BTBD9: variants seen among roughly 807,000 people sequenced by gnomAD.
BTBD9 encodes BTB/POZ domain-containing protein 9.
A neutral mutation model predicts 64.3 loss-of-function variants in BTBD9; 49 were observed. That is an observed-to-expected ratio of 0.76 (90% CI 0.61 to 0.97). The LOEUF is 0.97. BTBD9 is among the 50% of genes least tolerant of loss of function. The pLI, the probability that BTBD9 is intolerant of heterozygous loss-of-function variation, is 0.00. For missense variants in BTBD9, 598 were observed against 762.1 expected, an observed-to-expected ratio of 0.78 and a Z score of 2.53; for synonymous variants, 260 against 274.7, an observed-to-expected ratio of 0.95 and a Z score of 0.53.
chr6:38,621,902 CA>C (rs1777994381), intron 1 of BTBD9, among the ~76,000 whole-genome samples: 2 of 152,326 alleles, frequency 1.3e-5, no homozygotes, highest in African/African-American at 4.8e-5. Context: ...TGGTATGGAA[CA>C]ACCCTGTCCA....
intron 6 of BTBD9, among the ~76,000 whole-genome samples, chr6:38,428,799 G>A (rs1768300803): frequency 1.3e-5 from 2 of 148,860 alleles, no homozygotes; most frequent in Admixed American, 6.7e-5. Flanking sequence ...TGCAAACTCT[G>A]CCTCCCGGAT....
At chr6:38,275,157 T>C (rs949458672) in intron 8 of BTBD9, among the ~76,000 whole-genome samples, 26 of 152,066 alleles carry the variant, frequency 1.7e-4, no homozygotes, top group African/African-American at 6.0e-4. Flanking sequence ...GAGATATAGA[T>C]CAATGGAACA....
At chr6:38,367,048 T>C (rs1277772701) in intron 6 of BTBD9, among the ~76,000 whole-genome samples, 4 of 152,152 alleles carry the variant, frequency 2.6e-5, no homozygotes. Flanking sequence ...GCAGACACCC[T>C]ATGAAAACCC....
At chr6:38,580,975 C>T (rs1266415909) in intron 4 of BTBD9, among the ~76,000 whole-genome samples, 2 of 152,096 alleles carry the variant, frequency 1.3e-5, no homozygotes, top group African/African-American at 2.4e-5. Context: ...GGCGGATCAC[C>T]TGAGGTCAGG....
Position 38,527,662 on chromosome 6 carries a change from C to T in BTBD9, c.1154+49938G>A, listed in dbSNP as rs139622211. 7.1e-3 allele frequency among the ~76,000 whole-genome samples: 1,086 copies of T among 152,138 alleles called. 7 individuals are homozygous for T. Among genetic ancestry groups the T allele is most frequent in the Non-Finnish European group, 0.012 (818 of 68,022 alleles). ...CTCTTTCCTTTATAAATTACCCAGT[C>T]TTGGATAGTATCTTTACAGCAGTGT... On this transcript the variant is annotated intron_variant, in intron 6 of 10. Coordinates refer to ENST00000481247, the MANE Select transcript of BTBD9 (RefSeq NM_001099272.2).
chr6:38,482,861 G>C (rs1284172547), intron 6 of BTBD9, among the ~76,000 whole-genome samples: 4 of 152,180 alleles, frequency 2.6e-5, no homozygotes, highest in South Asian at 4.2e-4. Flanking sequence ...TGAAGGTAAG[G>C]CTTCCATTTT....
chr6:38,580,352 A>G lies in BTBD9; in HGVS notation c.900T>C (p.Thr300=), dbSNP rs564062582. 2.9e-5 allele frequency: 47 copies of G among 1,614,152 alleles called. No homozygotes were observed. Among genetic ancestry groups the G allele is most frequent in the Non-Finnish European group, 3.8e-5 (45 of 1,180,050 alleles). ...ATCCATGATCCAAATCATAATTTTG[A>G]GTATCACCATCTAATAAGGCTGATT... ...ELKSALLDGD[T]QNYDLDHGFS... The change falls in exon 5 of 11, where the codon ACT becomes ACC. Residue 300 remains threonine, a synonymous_variant. Transcript: ENST00000481247.
At chr6:38,230,590 A>C (rs531358411) in intron 9 of BTBD9, among the ~76,000 whole-genome samples, 17 of 151,988 alleles carry the variant, frequency 1.1e-4, no homozygotes, top group African/African-American at 4.1e-4. Context: ...CCTAGAATAA[A>C]ATTCACACTA....
intron 6 of BTBD9, among the ~76,000 whole-genome samples, chr6:38,420,667 C>G (rs879680158): frequency 6.6e-6 from 1 of 151,956 alleles, no homozygotes; most frequent in Non-Finnish European, 1.5e-5. Context: ...ACCATCCTGG[C>G]CAACATGGTG....
intron 10 of BTBD9, among the ~76,000 whole-genome samples, chr6:38,175,837 C>T (rs1238901346): frequency 6.6e-6 from 1 of 152,242 alleles, no homozygotes; most frequent in Non-Finnish European, 1.5e-5. Flanking sequence ...TGAGCACAGA[C>T]CCTGCTAAGC....
At chr6:38,492,959 A>C (rs1002846309) in intron 6 of BTBD9, among the ~76,000 whole-genome samples, 1 of 152,220 alleles carries the variant, frequency 6.6e-6, no homozygotes, top group African/African-American at 2.4e-5. Flanking sequence ...TTCGATCTAA[A>C]AATAAGATAC....
chr6:38,279,413 G>C (rs560387773), intron 8 of BTBD9, among the ~76,000 whole-genome samples: 2 of 152,080 alleles, frequency 1.3e-5, no homozygotes, highest in African/African-American at 4.8e-5. Context: ...ATTTTCAAAG[G>C]TAGATCACTG....
At chr6:38,415,674 T>C (rs1311480368) in intron 6 of BTBD9, among the ~76,000 whole-genome samples, 2 of 152,220 alleles carry the variant, frequency 1.3e-5, no homozygotes, top group Non-Finnish European at 2.9e-5. Context: ...GCAGCAGTTA[T>C]TACCTAAATA....
intron 7 of BTBD9, among the ~76,000 whole-genome samples, chr6:38,303,937 G>A (rs1369674412): frequency 2.2e-5 from 3 of 134,068 alleles, no homozygotes; most frequent in African/African-American, 9.1e-5. Context: ...ATACACGTGT[G>A]TGTGTGTGTG....
chr6:38,179,093 C>T (rs191548883), intron 10 of BTBD9, among the ~76,000 whole-genome samples: 2 of 152,090 alleles, frequency 1.3e-5, no homozygotes, highest in African/African-American at 4.8e-5. Context: ...CCTCATGATC[C>T]GCCCACCTCA....
intron 6 of BTBD9, among the ~76,000 whole-genome samples, chr6:38,414,201 T>A (rs904379162): frequency 6.6e-6 from 1 of 152,208 alleles, no homozygotes; most frequent in African/African-American, 2.4e-5. Flanking sequence ...TTCAGTACCT[T>A]GTGCTTGTGA....
At chr6:38,555,054 TG>T (rs1774957248) in intron 6 of BTBD9, among the ~76,000 whole-genome samples, 1 of 152,228 alleles carries the variant, frequency 6.6e-6, no homozygotes, top group South Asian at 2.1e-4. Context: ...ACCCCCAAAC[TG>T]GAAATCTTTA....
intron 10 of BTBD9, among the ~76,000 whole-genome samples, chr6:38,181,144 G>A (rs1761535907): frequency 6.6e-6 from 1 of 152,218 alleles, no homozygotes; most frequent in African/African-American, 2.4e-5. Flanking sequence ...TTTAAAAGCA[G>A]AAGCCTTTGC....
intron 7 of BTBD9, among the ~76,000 whole-genome samples, chr6:38,299,267 T>C (rs1422920100): frequency 1.3e-5 from 2 of 152,212 alleles, no homozygotes; most frequent in Non-Finnish European, 2.9e-5. Context: ...TGTTGGACAT[T>C]TGGGTTGGTT....
Sources: allele counts gnomAD v4.1 joint callset (sites outside exome capture counted in the v4.1 genomes callset), GRCh38; gene constraint gnomAD v4.1.1; transcripts MANE v1.5; gene names NCBI Gene and HGNC (gene_info 2026-07-23, HGNC 2026-07-21).